TRIM44: variants seen among roughly 807,000 people sequenced by gnomAD.
TRIM44 encodes tripartite motif containing 44.
In TRIM44, 13 loss-of-function variants were observed where a neutral mutation model predicts 37.4. That is an observed-to-expected ratio of 0.35 (90% confidence interval 0.23 to 0.55). The LOEUF is 0.55. Among genes scored for constraint, TRIM44 ranks in the 20% least tolerant of loss-of-function variants. TRIM44 has a pLI of 0.89. For missense variants in TRIM44, 426 were observed against 437.2 expected, an observed-to-expected ratio of 0.97 and a Z score of 0.23; for synonymous variants, 175 against 157.2, an observed-to-expected ratio of 1.11 and a Z score of -0.85.
intron 1 of TRIM44, among the ~76,000 whole-genome samples, chr11:35,681,987 C>G (rs1310980489): frequency 1.6e-5 from 2 of 121,402 alleles, no homozygotes; most frequent in East Asian, 2.5e-4. Context: ...GAAATGCAGT[C>G]TCGCTCTGTC....
chr11:35,727,171 A>C (rs938307918), intron 3 of TRIM44, among the ~76,000 whole-genome samples: 8 of 152,186 alleles, frequency 5.3e-5, no homozygotes, highest in African/African-American at 1.7e-4. Context: ...AAAAAAAAAA[A>C]ACCAAAAAAC....
At chr11:35,783,694 A>G (rs1291492686) in intron 4 of TRIM44, among the ~76,000 whole-genome samples, 1 of 152,168 alleles carries the variant, frequency 6.6e-6, no homozygotes, top group Non-Finnish European at 1.5e-5. Flanking sequence ...AGCAGATAGA[A>G]TGTTTTGGTC....
At chr11:35,709,971 A>G (rs1851945989) in intron 2 of TRIM44, among the ~76,000 whole-genome samples, 1 of 152,248 alleles carries the variant, frequency 6.6e-6, no homozygotes, top group Non-Finnish European at 1.5e-5. Flanking sequence ...AAAAAAAAGT[A>G]AAATGACATA....
At chr11:35,750,855 G>C (rs940385727) in intron 4 of TRIM44, among the ~76,000 whole-genome samples, 3 of 151,802 alleles carry the variant, frequency 2.0e-5, no homozygotes, top group Non-Finnish European at 4.4e-5. Context: ...AGCTATCAGG[G>C]GTATAGAAAA....
rs1008779879 is a variant in TRIM44, at chr11:35,809,605, T to C, written c.*3220T>C. The C allele has an allele frequency of 1.3e-5, 2 of 152,172 alleles. No homozygotes were observed. Among genetic ancestry groups the C allele is most frequent in the African/African-American group, 4.8e-5 (2 of 41,444 alleles). The allele number at this position is 152,172 out of a possible 1,614,324, so 9.4% of individuals were successfully genotyped here. ...AGGTGTTTCTTGGCCTTCAAAGATATAGAACTTTGCAGCAGTAGTAAAAGT... is the reference window on the plus strand; with the variant it reads ...AGGTGTTTCTTGGCCTTCAAAGATACAGAACTTTGCAGCAGTAGTAAAAGT... On this transcript the variant is annotated 3_prime_UTR_variant, in exon 5 of 5. Transcript: ENST00000299413.
chr11:35,743,426 A>G (rs1852440788), intron 4 of TRIM44, among the ~76,000 whole-genome samples: 1 of 152,144 alleles, frequency 6.6e-6, no homozygotes, highest in Non-Finnish European at 1.5e-5. Context: ...TTATGGGTAA[A>G]TTGCTTTCTT....
Position 35,733,564 on chromosome 11 carries a change from C to G in TRIM44, c.988-1862C>G, listed in dbSNP as rs1274895113. 2.0e-5 allele frequency among the ~76,000 whole-genome samples: 3 copies of G among 152,162 alleles called. No homozygotes were observed. In the East Asian group the frequency reaches 5.8e-4, roughly 29 times the overall value. On this transcript the variant is annotated intron_variant, in intron 3 of 4. Transcript: ENST00000299413. Reference sequence around the variant, plus strand: ...CTATACCCTCCCTCTACCACTCGCCCTACTTCCCTCTAGTTGGAGTGTGGA... The same window carrying G: ...CTATACCCTCCCTCTACCACTCGCCGTACTTCCCTCTAGTTGGAGTGTGGA...
intron 4 of TRIM44, among the ~76,000 whole-genome samples, chr11:35,770,387 G>A (rs1252508664): frequency 6.6e-6 from 1 of 152,180 alleles, no homozygotes; most frequent in East Asian, 1.9e-4. Context: ...TAACTTTTTG[G>A]TAGAATGATT....
At chr11:35,745,979 G>A (rs1031097173) in intron 4 of TRIM44, among the ~76,000 whole-genome samples, 1 of 152,144 alleles carries the variant, frequency 6.6e-6, no homozygotes, top group Non-Finnish European at 1.5e-5. Flanking sequence ...TCAAGGACCT[G>A]CTGTAGTTTA....
intron 3 of TRIM44, among the ~76,000 whole-genome samples, chr11:35,728,113 G>T (rs1379140018): frequency 6.6e-6 from 1 of 152,184 alleles, no homozygotes; most frequent in Admixed American, 6.5e-5. Flanking sequence ...ATCACCTGAG[G>T]TCAGGAGTTT....
chr11:35,785,038 T>C (rs1853112443), intron 4 of TRIM44, among the ~76,000 whole-genome samples: 1 of 152,206 alleles, frequency 6.6e-6, no homozygotes, highest in East Asian at 1.9e-4. Flanking sequence ...GTTCTTTGCT[T>C]CTTTCACCCC....
intron 2 of TRIM44, among the ~76,000 whole-genome samples, chr11:35,715,850 A>G (rs1489831530): frequency 6.6e-6 from 1 of 151,968 alleles, no homozygotes; most frequent in East Asian, 1.9e-4. Context: ...GAGCAGGAGG[A>G]AGAGAGAGAG....
intron 2 of TRIM44, among the ~76,000 whole-genome samples, chr11:35,699,986 G>A (rs1250861318): frequency 6.6e-6 from 1 of 152,054 alleles, no homozygotes; most frequent in Non-Finnish European, 1.5e-5. Context: ...CATGCTCATG[G>A]GTAGGAAGAA....
chr11:35,746,243 C>CT (rs1852488952), intron 4 of TRIM44, among the ~76,000 whole-genome samples: 1 of 152,108 alleles, frequency 6.6e-6, no homozygotes, highest in Non-Finnish European at 1.5e-5. Context: ...CAACTTCAGT[C>CT]TATGTTTTAA....
intron 2 of TRIM44, among the ~76,000 whole-genome samples, chr11:35,723,192 A>G (rs1411791502): frequency 6.6e-6 from 1 of 152,106 alleles, no homozygotes; most frequent in Non-Finnish European, 1.5e-5. Flanking sequence ...ATTAGACTGG[A>G]CCAGAGGAAA....
At chr11:35,757,352 C>G (rs1852659460) in intron 4 of TRIM44, among the ~76,000 whole-genome samples, 1 of 151,990 alleles carries the variant, frequency 6.6e-6, no homozygotes, top group Admixed American at 6.6e-5. Flanking sequence ...GGTGATATCC[C>G]CTTTATCATT....
At position 35,706,482 on chromosome 11, in the gene TRIM44, T is replaced by C. The variant is rs1197567582; in HGVS notation, c.748-19442T>C. Among the ~76,000 whole-genome samples the C allele has an allele frequency of 3.3e-5, 5 of 152,254 alleles. No individual in the cohort carries two copies. In the East Asian group the frequency reaches 9.7e-4, roughly 29 times the overall value. ...CAAAAAAAAGAATTTTAGACCAATA[T>C]CCTTGATGAACATCGATGCAAAAAT... On this transcript the variant is annotated intron_variant, in intron 2 of 4. Transcript: ENST00000299413.
At position 35,663,317 on chromosome 11, in the gene TRIM44, C is replaced by T. The variant is rs762881300; in HGVS notation, c.206C>T (p.Pro69Leu). The T allele has an allele frequency of 6.2e-7, 1 of 1,613,938 alleles. No homozygotes were observed. The highest frequency in any genetic ancestry group is 8.5e-7 in the Non-Finnish European group (1 of 1,179,964). Residue 69 changes from proline to leucine, a missense_variant, in exon 1 of 5, where the codon CCG (proline) becomes CTG (leucine). Coordinates refer to ENST00000299413, the MANE Select transcript of TRIM44 (RefSeq NM_017583.6). ...GTCCACGGCTCCCAGGCCTGGACCC[C>T]GCCAGCTGACGGAGAGGGGGCGGGG... The part of the protein sequence containing the change: ...EYVHGSQAWT[P>L]PADGEGAGKE...
Position 35,806,905 on chromosome 11 carries a change from C to T in TRIM44, c.*520C>T, listed in dbSNP as rs182988466. ...TCTACATTTGTGAAAATTGTGGTGC[C>T]ATGAATTAAGATGGATGACTGGAAA... On this transcript the variant is annotated 3_prime_UTR_variant, in exon 5 of 5. Coordinates refer to ENST00000299413, the MANE Select transcript of TRIM44 (RefSeq NM_017583.6). 3 of 152,660 alleles carry T rather than the reference C, an allele frequency of 2.0e-5. No individual in the cohort carries two copies. Among genetic ancestry groups the T allele is most frequent in the African/African-American group, 7.2e-5 (3 of 41,480 alleles). The allele number at this position is 152,660 out of a possible 1,614,324, so 9.5% of individuals were successfully genotyped here. A position where few individuals can be genotyped will look rare whatever the true frequency, so the allele number is the denominator to read the frequency against.
Sources: gnomAD v4.1 joint callset for allele counts (sites outside exome capture counted in the v4.1 genomes callset) on GRCh38, gnomAD v4.1.1 for gene constraint, MANE v1.5 for transcripts, NCBI Gene and HGNC (gene_info 2026-07-23, HGNC 2026-07-21) for gene names.